RPA3: variants seen among roughly 807,000 people sequenced by gnomAD.
The protein encoded by RPA3 is replication protein A3, also known as replication protein A 14 kDa subunit.
RPA3 carries 24 observed loss-of-function variants against 13.7 expected under a neutral mutation model. The ratio of observed to expected loss-of-function variants is 1.75; its 90% CI spans 1.27 to 2.46. RPA3 has a LOEUF of 2.46. Ranked by LOEUF, RPA3 falls within the 30% of genes most tolerant of loss-of-function variation. RPA3 has a pLI of 0.00. For missense variants in RPA3, 183 were observed against 151.0 expected (o/e 1.21, Z -1.11); for synonymous variants, 59 against 51.2 (o/e 1.15, Z -0.65).
At position 7,651,015 on chromosome 7, in the gene RPA3, G is replaced by A. The variant is rs541258973; in HGVS notation, c.-757-9840C>T. Among the ~76,000 whole-genome samples, 3 of 152,252 alleles carry A rather than the reference G, an allele frequency of 2.0e-5. No homozygotes were observed. In the East Asian group the frequency reaches 5.8e-4, roughly 29 times the overall value. On this transcript the variant is annotated intron_variant, in intron 4 of 7. Coordinates refer to ENST00000223129, the MANE Select transcript of RPA3 (RefSeq NM_002947.5). ...AGAGCATTTGTGGTACAAAAAGCCAGGTGCATGACCTTTGAGCAACCCCTC... is the reference window on the plus strand; with the variant it reads ...AGAGCATTTGTGGTACAAAAAGCCAAGTGCATGACCTTTGAGCAACCCCTC...
intron 4 of RPA3, chr7:7,641,828 G>A (rs1244161260): frequency 1.3e-5 from 2 of 152,188 alleles, no homozygotes; most frequent in Non-Finnish European, 1.5e-5. Flanking sequence ...AAAAAGATCC[G>A]ATTTGAGACT....
At chr7:7,693,474 A>T (rs1780230111) in intron 2 of RPA3, among the ~76,000 whole-genome samples, 1 of 152,034 alleles carries the variant, frequency 6.6e-6, no homozygotes, top group African/African-American at 2.4e-5. Flanking sequence ...AGTTAACCAA[A>T]TTTTTATTTG....
At chr7:7,637,580 T>C (rs896353642) in intron 7 of RPA3, among the ~76,000 whole-genome samples, 15 of 150,918 alleles carry the variant, frequency 9.9e-5, no homozygotes, top group Non-Finnish European at 2.1e-4. Context: ...AATAAAACTG[T>C]TTTCCTGTAT....
chr7:7,698,681 G>C (rs1329214585), intron 2 of RPA3, among the ~76,000 whole-genome samples: 3 of 151,932 alleles, frequency 2.0e-5, no homozygotes, highest in Non-Finnish European at 4.4e-5. Context: ...ATTTGGTTTG[G>C]AGCATCCTTT....
At chr7:7,683,638 T>C (rs376046411) in intron 4 of RPA3, among the ~76,000 whole-genome samples, 1 of 152,092 alleles carries the variant, frequency 6.6e-6, no homozygotes, top group Non-Finnish European at 1.5e-5. Flanking sequence ...TTTCTTTTTT[T>C]TAGACGGAGT....
intron 4 of RPA3, among the ~76,000 whole-genome samples, chr7:7,681,725 G>A (rs1180179283): frequency 6.6e-6 from 1 of 152,074 alleles, no homozygotes; most frequent in Non-Finnish European, 1.5e-5. Flanking sequence ...AATCCAGCAA[G>A]CATGGCACTA....
intron 4 of RPA3, among the ~76,000 whole-genome samples, chr7:7,646,987 C>T (rs556606429): frequency 1.3e-5 from 2 of 152,182 alleles, no homozygotes; most frequent in African/African-American, 4.8e-5. Context: ...CCAGGGACCC[C>T]ACCCTTCTGC....
chr7:7,718,228 A>T (rs1780965732), intron 1 of RPA3, among the ~76,000 whole-genome samples: 1 of 152,200 alleles, frequency 6.6e-6, no homozygotes, highest in South Asian at 2.1e-4. Context: ...TGTTATTTTT[A>T]TCCCCAAGGG....
At chr7:7,639,975 G>C (rs1784926974) in intron 5 of RPA3, 2 of 299,072 alleles carry the variant, frequency 6.7e-6, no homozygotes, top group East Asian at 2.1e-4. Context: ...GAAACCAGCA[G>C]ATTAGTTTTG....
intron 1 of RPA3, among the ~76,000 whole-genome samples, 152 bp from the exon 2 acceptor site, chr7:7,715,378 A>T (rs1383093809): frequency 1.3e-5 from 2 of 152,182 alleles, no homozygotes; most frequent in African/African-American, 2.4e-5. Context: ...AATTTAATGA[A>T]TTTTTTCCCA....
chr7:7,681,995 T>G (rs1779924619), intron 4 of RPA3, among the ~76,000 whole-genome samples: 1 of 152,060 alleles, frequency 6.6e-6, no homozygotes, highest in South Asian at 2.1e-4. Flanking sequence ...AAGGAACAAT[T>G]TAGATATTGT....
chr7:7,678,214 G>C (rs1479560815), intron 4 of RPA3, among the ~76,000 whole-genome samples: 1 of 151,654 alleles, frequency 6.6e-6, no homozygotes, highest in Non-Finnish European at 1.5e-5. Context: ...ACCAGGGTAT[G>C]AGGTCCCTTT....
intron 2 of RPA3, among the ~76,000 whole-genome samples, chr7:7,696,398 T>C (rs1780318645): frequency 6.6e-6 from 1 of 152,082 alleles, no homozygotes; most frequent in South Asian, 2.1e-4. Flanking sequence ...GATCTTAGTA[T>C]AAAATTCTAA....
chr7:7,641,892 C>A (rs760288078), intron 4 of RPA3, among the ~76,000 whole-genome samples: 6 of 152,180 alleles, frequency 3.9e-5, no homozygotes, highest in Non-Finnish European at 5.9e-5. Context: ...ATGATAGTCT[C>A]CCTTAGTGTT....
chr7:7,645,392 A>G lies in RPA3; in HGVS notation c.-757-4217T>C, dbSNP rs1785070567. ...AGTACTTATGTGGTAGTGCACTAAGACTCAGGGCCCCAGGTTCTTTCTGTC... is the reference window on the plus strand; with the variant it reads ...AGTACTTATGTGGTAGTGCACTAAGGCTCAGGGCCCCAGGTTCTTTCTGTC... On this transcript the variant is annotated intron_variant, in intron 4 of 7. Coordinates refer to ENST00000223129, the MANE Select transcript of RPA3 (RefSeq NM_002947.5). Among the ~76,000 whole-genome samples, 4 of 152,154 alleles carry G rather than the reference A, an allele frequency of 2.6e-5. No homozygotes were observed. The South Asian group carries it at 8.3e-4, about 32-fold the overall frequency.
intron 1 of RPA3, among the ~76,000 whole-genome samples, chr7:7,715,569 G>A (rs1209651690): frequency 1.3e-5 from 2 of 152,078 alleles, no homozygotes; most frequent in Admixed American, 6.5e-5. Flanking sequence ...ATGCCATTAT[G>A]AACAATACAA....
At chr7:7,641,700 C>A (rs1297184259) in intron 4 of RPA3, 1 of 152,208 alleles carries the variant, frequency 6.6e-6, no homozygotes, top group Non-Finnish European at 1.5e-5. Flanking sequence ...AAAATACCTT[C>A]AAACGGTACG....
chr7:7,637,649 G>A (rs999359460), intron 7 of RPA3, among the ~76,000 whole-genome samples: 3 of 150,228 alleles, frequency 2.0e-5, no homozygotes, highest in African/African-American at 7.3e-5. Context: ...CAAAATGTAT[G>A]TTAAAACATA....
chr7:7,675,510 T>C lies in RPA3; in HGVS notation c.-758+10320A>G, dbSNP rs1779716952. 2.6e-5 allele frequency among the ~76,000 whole-genome samples: 4 copies of C among 152,208 alleles called. No homozygotes were observed. The South Asian group carries it at 8.3e-4, about 31-fold the overall frequency. On this transcript the variant is annotated intron_variant, in intron 4 of 7. Transcript: ENST00000223129. ...TTCTGCCTCCGAGTATTATCTACTATGGATCTCCTTTCCCTTTCCAGGAAA... is the reference window on the plus strand; with the variant it reads ...TTCTGCCTCCGAGTATTATCTACTACGGATCTCCTTTCCCTTTCCAGGAAA...
Sources: allele counts gnomAD v4.1 joint callset (sites outside exome capture counted in the v4.1 genomes callset), GRCh38; gene constraint gnomAD v4.1.1; transcripts MANE v1.5; gene names NCBI Gene and HGNC (gene_info 2026-07-23, HGNC 2026-07-21).